CACNA2D3: variants seen among roughly 807,000 people sequenced by gnomAD.
The protein encoded by CACNA2D3 is calcium voltage-gated channel auxiliary subunit alpha2delta 3.
A neutral mutation model predicts 160.6 loss-of-function variants in CACNA2D3; 60 were observed. The observed-to-expected ratio is 0.37, with a 90% CI of 0.30 to 0.46. The LOEUF is 0.46. Among genes scored for constraint, CACNA2D3 ranks in the 20% least tolerant of loss-of-function variants. CACNA2D3 has a pLI of 1.00. For missense variants in CACNA2D3, 1,205 were observed against 1,365.0 expected (o/e 0.88, Z 1.85); for synonymous variants, 558 against 492.9 (o/e 1.13, Z -1.75).
At chr3:54,646,125 T>TCC (rs1331361110) in intron 11 of CACNA2D3, among the ~76,000 whole-genome samples, 12 of 64,028 alleles carry the variant, frequency 1.9e-4, no homozygotes, top group African/African-American at 3.7e-4. Flanking sequence ...CTTCCTTCCT[T>TCC]TCTTCCTTCC....
intron 10 of CACNA2D3, among the ~76,000 whole-genome samples, chr3:54,635,240 A>G (rs1699345410): frequency 6.6e-6 from 1 of 152,008 alleles, no homozygotes; most frequent in African/African-American, 2.4e-5. Context: ...AAACAGGTAT[A>G]AAAGGTCTAA....
At chr3:54,237,830 C>T (rs994831438) in intron 2 of CACNA2D3, among the ~76,000 whole-genome samples, 13 of 152,098 alleles carry the variant, frequency 8.5e-5, no homozygotes, top group Non-Finnish European at 1.8e-4. Context: ...ATGTGAGTTC[C>T]ACAAGTTCCA....
chr3:54,746,699 T>C (rs1701758825), intron 11 of CACNA2D3, among the ~76,000 whole-genome samples: 1 of 152,238 alleles, frequency 6.6e-6, no homozygotes, highest in Non-Finnish European at 1.5e-5. Context: ...TTTTTTAAAA[T>C]AAAAGATTAC....
At chr3:54,488,888 A>C (rs1005824778) in intron 4 of CACNA2D3, among the ~76,000 whole-genome samples, 9 of 152,148 alleles carry the variant, frequency 5.9e-5, no homozygotes, top group Non-Finnish European at 1.3e-4. Context: ...CAAGATCCCC[A>C]GTCAAGGAGT....
chr3:54,984,571 C>A (rs1273909607), intron 29 of CACNA2D3, 37 bp from the exon 30 acceptor site: 2 of 1,241,552 alleles, frequency 1.6e-6, no homozygotes, highest in Admixed American at 4.2e-5. Context: ...GAAGTTGAAG[C>A]TGTTTTTTTG....
chr3:54,435,691 C>G (rs1363262638), intron 4 of CACNA2D3, among the ~76,000 whole-genome samples: 1 of 152,156 alleles, frequency 6.6e-6, no homozygotes. Flanking sequence ...ATAAAAATCA[C>G]TCACCATACC....
chr3:54,175,714 C>T (rs554617818), intron 2 of CACNA2D3, among the ~76,000 whole-genome samples: 5 of 151,956 alleles, frequency 3.3e-5, no homozygotes, highest in Non-Finnish European at 7.4e-5. Context: ...AATGAAGACC[C>T]AGCCCCCAGT....
chr3:54,928,707 A>G (rs930099688), intron 27 of CACNA2D3, among the ~76,000 whole-genome samples: 7 of 113,204 alleles, frequency 6.2e-5, no homozygotes, highest in Non-Finnish European at 1.1e-4. Context: ...CCCACACCCC[A>G]CCCACTCCCC....
At chr3:54,961,593 A>T (rs565606358) in intron 27 of CACNA2D3, among the ~76,000 whole-genome samples, 19 of 152,278 alleles carry the variant, frequency 1.2e-4, no homozygotes, top group East Asian at 7.7e-4. Context: ...TGAAATGGTA[A>T]TTGTCCACAT....
rs151030107 is a variant in CACNA2D3 at position 54,509,276 on chromosome 3, C to T, written c.544+5622C>T. Among the ~76,000 whole-genome samples, 942 of 117,536 alleles carry T rather than the reference C, an allele frequency of 8.0e-3. 9 individuals are homozygous for T. The highest frequency in any genetic ancestry group is 0.026 in the African/African-American group (899 of 34,248). 77.1% of individuals were successfully genotyped at this position (117,536 alleles called of 152,430 possible). On this transcript the variant is annotated intron_variant, in intron 5 of 37. Coordinates refer to ENST00000474759, the MANE Select transcript of CACNA2D3 (RefSeq NM_018398.3). ...CCTTTCCCTTTGTTTCTTTTCCCTT[C>T]ACGTGTGTGTGTGTTTGTGTGTGTG...
intron 2 of CACNA2D3, among the ~76,000 whole-genome samples, chr3:54,225,450 A>G (rs1701654241): frequency 1.3e-5 from 2 of 152,204 alleles, no homozygotes; most frequent in Non-Finnish European, 2.9e-5. Context: ...ACCTTTTCAC[A>G]ATATCCTCTG....
intron 11 of CACNA2D3, among the ~76,000 whole-genome samples, chr3:54,719,280 A>G (rs1164781840): frequency 6.6e-6 from 1 of 151,154 alleles, no homozygotes; most frequent in Non-Finnish European, 1.5e-5. Context: ...TAGTTTTACC[A>G]TTAAGTCTTA....
chr3:54,537,052 T>A (rs1336601931), intron 5 of CACNA2D3, among the ~76,000 whole-genome samples: 1 of 151,942 alleles, frequency 6.6e-6, no homozygotes, highest in Non-Finnish European at 1.5e-5. Flanking sequence ...TCCTATCAGC[T>A]AAGTATTGTT....
intron 35 of CACNA2D3, among the ~76,000 whole-genome samples, chr3:55,051,404 A>T (rs1303218823): frequency 6.6e-6 from 1 of 152,080 alleles, no homozygotes; most frequent in Non-Finnish European, 1.5e-5. Context: ...GGTGCCTCCC[A>T]GTTAGGCTGC....
intron 2 of CACNA2D3, among the ~76,000 whole-genome samples, chr3:54,235,475 A>C (rs1044677550): frequency 2.6e-5 from 4 of 152,154 alleles, no homozygotes; most frequent in Non-Finnish European, 5.9e-5. Context: ...GGTGCCACGC[A>C]CTTTTAAACA....
At chr3:54,693,970 G>A (rs551125523) in intron 11 of CACNA2D3, among the ~76,000 whole-genome samples, 1 of 152,210 alleles carries the variant, frequency 6.6e-6, no homozygotes, top group East Asian at 1.9e-4. Flanking sequence ...ATTTATTATT[G>A]AAGAAATACA....
intron 5 of CACNA2D3, among the ~76,000 whole-genome samples, chr3:54,545,926 G>T (rs926327046): frequency 6.6e-6 from 1 of 152,164 alleles, no homozygotes; most frequent in South Asian, 2.1e-4. Context: ...CAGATCCAAG[G>T]CTTAATAGGT....
chr3:54,219,819 A>G (rs1325479707), intron 2 of CACNA2D3, among the ~76,000 whole-genome samples: 1 of 152,120 alleles, frequency 6.6e-6, no homozygotes, highest in East Asian at 1.9e-4. Flanking sequence ...GCTCACTCAT[A>G]ATCTGCAGAG....
chr3:54,919,659 A>C (rs957408689), intron 27 of CACNA2D3, among the ~76,000 whole-genome samples: 6 of 152,184 alleles, frequency 3.9e-5, no homozygotes, highest in African/African-American at 1.4e-4. Context: ...TAGCAGACTG[A>C]AGTCTAGTCT....
Sources: allele counts gnomAD v4.1 joint callset (sites outside exome capture counted in the v4.1 genomes callset), GRCh38; gene constraint gnomAD v4.1.1; transcripts MANE v1.5; gene names NCBI Gene and HGNC (gene_info 2026-07-23, HGNC 2026-07-21).